TM9SF3: variants seen among roughly 807,000 people sequenced by gnomAD.
TM9SF3 encodes the protein SM-11044-binding protein.
Under a neutral mutation model 78.6 loss-of-function variants are expected in TM9SF3, and 14 were observed. The observed-to-expected ratio is 0.18, with a 90% CI of 0.12 to 0.28. The LOEUF (loss-of-function observed/expected upper bound fraction) is 0.28. Ranked by LOEUF, TM9SF3 falls within the 10% of genes least tolerant of loss-of-function variation. The pLI, the probability that TM9SF3 is intolerant of heterozygous loss-of-function variation, is 1.00. For synonymous variants in TM9SF3, 231 were observed against 241.7 expected (o/e 0.96, Z 0.41); for missense variants, 496 against 721.9 (o/e 0.69, Z 3.59).
rs562074564 is a variant in TM9SF3, at chr10:96,521,304, C to T, written c.*959G>A. On this transcript the variant is annotated 3_prime_UTR_variant, in exon 15 of 15. Transcript: ENST00000371142. The stretch of plus-strand genomic sequence containing the variant: ...ACATCCAAATGCATTTGGGAATCTA[C>T]ACCTACGTTACATTATTTAATGTTA... 3 of 163,958 alleles carry T rather than the reference C, an allele frequency of 1.8e-5. No homozygotes were observed. Among genetic ancestry groups the T allele is most frequent in the South Asian group, 2.0e-4 (1 of 4,924 alleles). The allele number at this position is 163,958 out of a possible 1,614,324, so 10.2% of individuals were successfully genotyped here. A position where few individuals can be genotyped will look rare whatever the true frequency, so the allele number is the denominator to read the frequency against.
At chr10:96,532,510 A>T (rs2134132161) in intron 10 of TM9SF3, among the ~76,000 whole-genome samples, 1 of 152,266 alleles carries the variant, frequency 6.6e-6, no homozygotes, top group Non-Finnish European at 1.5e-5. Context: ...ATAAAAATGC[A>T]GTCTACTTAC....
intron 2 of TM9SF3, among the ~76,000 whole-genome samples, chr10:96,569,217 G>T (rs565361694): frequency 6.6e-6 from 1 of 152,270 alleles, no homozygotes; most frequent in African/African-American, 2.4e-5. Flanking sequence ...CACAGAAAGT[G>T]TTCTTAAGTT....
chr10:96,543,864 G>C (rs188183866), intron 9 of TM9SF3: 4 of 284,496 alleles, frequency 1.4e-5, no homozygotes, highest in African/African-American at 6.6e-5. Flanking sequence ...ACAGAATCAA[G>C]AAAAAATAAA....
intron 3 of TM9SF3, among the ~76,000 whole-genome samples, chr10:96,563,995 A>G (rs1224680034): frequency 6.6e-6 from 1 of 151,748 alleles, no homozygotes; most frequent in Admixed American, 6.5e-5. Flanking sequence ...CTGTGAATGA[A>G]AAAACCTAAA....
intron 1 of TM9SF3, among the ~76,000 whole-genome samples, chr10:96,585,374 T>TAA (rs998721017): frequency 1.3e-5 from 2 of 152,244 alleles, no homozygotes; most frequent in African/African-American, 4.8e-5. Context: ...TAGCAGTTCT[T>TAA]AAACTTTGAG....
chr10:96,530,670 A>G (rs2134131086), intron 10 of TM9SF3, 62 bp from the exon 11 acceptor site: 1 of 1,422,664 alleles, frequency 7.0e-7, no homozygotes, highest in East Asian at 2.4e-5. Flanking sequence ...ATAAACACTG[A>G]TAACAGAAAG....
chr10:96,580,447 T>C (rs1848553257), intron 1 of TM9SF3, among the ~76,000 whole-genome samples: 1 of 152,144 alleles, frequency 6.6e-6, no homozygotes, highest in South Asian at 2.1e-4. Context: ...TTGTATTTTT[T>C]AGTAGAGACG....
intron 7 of TM9SF3, among the ~76,000 whole-genome samples, chr10:96,549,816 TTAAAAAAAAAA>T (rs1848146670): frequency 8.2e-6 from 1 of 121,820 alleles, no homozygotes; most frequent in African/African-American, 3.2e-5. Flanking sequence ...CTTCTGCATT[TTAAAAAAAAAA>T]AAAAAAAAAG....
chr10:96,566,721 G>C (rs137939171), intron 2 of TM9SF3, among the ~76,000 whole-genome samples: 1 of 152,284 alleles, frequency 6.6e-6, no homozygotes, highest in African/African-American at 2.4e-5. Context: ...AAAACCCTGA[G>C]GCTGAGCAGT....
chr10:96,563,282 C>A (rs1848331377), intron 3 of TM9SF3, among the ~76,000 whole-genome samples: 2 of 152,154 alleles, frequency 1.3e-5, no homozygotes, highest in Non-Finnish European at 2.9e-5. Flanking sequence ...CGTTATGTTG[C>A]CCAGTCTGTT....
At chr10:96,560,161 C>T in intron 4 of TM9SF3, 1 of 792,496 alleles carries the variant, frequency 1.3e-6, no homozygotes, top group East Asian at 2.6e-5. Context: ...CCTTCTTTCC[C>T]ACCTAAATGC....
chr10:96,561,320 ATTAAG>A (rs1316532488), intron 4 of TM9SF3, among the ~76,000 whole-genome samples: 2 of 152,312 alleles, frequency 1.3e-5, no homozygotes, highest in Non-Finnish European at 2.9e-5. Context: ...AAATTTTTTC[ATTAAG>A]TTTAGTTATA....
At chr10:96,568,503 T>C (rs1022578726) in intron 2 of TM9SF3, among the ~76,000 whole-genome samples, 3 of 152,222 alleles carry the variant, frequency 2.0e-5, no homozygotes, top group African/African-American at 7.2e-5. Context: ...CTGGACACTA[T>C]GCACCCCAAT....
At chr10:96,575,717 T>C (rs964907190) in intron 2 of TM9SF3, among the ~76,000 whole-genome samples, 5 of 147,720 alleles carry the variant, frequency 3.4e-5, no homozygotes, top group Non-Finnish European at 7.5e-5. Flanking sequence ...TTTACTAAAA[T>C]GAATACAGTA....
chr10:96,562,944 A>T (rs1182173790), intron 3 of TM9SF3, among the ~76,000 whole-genome samples: 1 of 152,214 alleles, frequency 6.6e-6, no homozygotes, highest in Admixed American at 6.5e-5. Flanking sequence ...ACGCTTTAGT[A>T]AGTATTAGGG....
At chr10:96,545,298 G>A (rs936159888) in intron 8 of TM9SF3, among the ~76,000 whole-genome samples, 2 of 152,028 alleles carry the variant, frequency 1.3e-5, no homozygotes, top group Non-Finnish European at 2.9e-5. Flanking sequence ...AGAAAAATAA[G>A]CAATACTCTA....
intron 9 of TM9SF3, among the ~76,000 whole-genome samples, chr10:96,538,430 C>A (rs2134135489): frequency 6.6e-6 from 1 of 152,154 alleles, no homozygotes; most frequent in South Asian, 2.1e-4. Flanking sequence ...TATAAAATTT[C>A]TAGAAGACAA....
At position 96,533,185 on chromosome 10, in the gene TM9SF3, G is replaced by C. The variant is rs538195039; in HGVS notation, c.1191C>G (p.Ala397=). ...TAACAAAAAAACAGATGCAACAAAC[G>C]GCCACCTGTAAATTAAATAAAAATG... ...SRAIPFGTMV[A]VCCICFFVIL... The change falls in exon 10 of 15, where the codon GCC becomes GCG. Residue 397 remains alanine, a synonymous_variant. Coordinates refer to ENST00000371142, the MANE Select transcript of TM9SF3 (RefSeq NM_020123.4). 3.1e-6 allele frequency: 5 copies of C among 1,612,720 alleles called. No homozygotes were observed. Among genetic ancestry groups the C allele is most frequent in the Non-Finnish European group, 4.2e-6 (5 of 1,179,298 alleles).
chr10:96,586,940 G>A lies in TM9SF3; in HGVS notation c.-105C>T, dbSNP rs1324545090. The A allele has an allele frequency of 5.4e-6, 5 of 921,890 alleles. No individual in the cohort carries two copies. The highest frequency in any genetic ancestry group is 5.4e-6 in the Non-Finnish European group (4 of 734,268). 57.1% of individuals were successfully genotyped at this position (921,890 alleles called of 1,614,324 possible). A position where few individuals can be genotyped will look rare whatever the true frequency, so the allele number is the denominator to read the frequency against. ...CGCGGCCGATTCGCATCCACGGGGC[G>A]CGGACAGACGCACGGGGCCCGGCCC... On this transcript the variant is annotated 5_prime_UTR_variant, in exon 1 of 15. Transcript: ENST00000371142.
Sources: gnomAD v4.1 joint callset for allele counts (sites outside exome capture counted in the v4.1 genomes callset) on GRCh38, gnomAD v4.1.1 for gene constraint, MANE v1.5 for transcripts, NCBI Gene and HGNC (gene_info 2026-07-23, HGNC 2026-07-21) for gene names.